ARHGAP8: variants seen among roughly 807,000 people sequenced by gnomAD.
ARHGAP8 encodes the protein rho GTPase-activating protein 8.
A neutral mutation model predicts 46.1 loss-of-function variants in ARHGAP8; 62 were observed. That is an observed-to-expected ratio of 1.34 (90% CI 1.10 to 1.66). The LOEUF (loss-of-function observed/expected upper bound fraction) is 1.66, where lower values mean the gene tolerates loss of function less well. ARHGAP8 is among the 40% of genes most tolerant of loss of function. The pLI, the probability that ARHGAP8 is intolerant of heterozygous loss-of-function variation, is 0.00. For missense variants in ARHGAP8, 923 were observed against 568.4 expected (o/e 1.62, Z -6.34); for synonymous variants, 375 against 243.1 (o/e 1.54, Z -5.05).
chr22:44,826,070 C>A (rs1930501652), intron 7 of ARHGAP8, among the ~76,000 whole-genome samples: 1 of 152,108 alleles, frequency 6.6e-6, no homozygotes, highest in Non-Finnish European at 1.5e-5. Flanking sequence ...TTCCCACCAC[C>A]TTCAAGGAGG....
At chr22:44,820,586 G>T (rs371604683) in intron 5 of ARHGAP8, among the ~76,000 whole-genome samples, 4 of 152,236 alleles carry the variant, frequency 2.6e-5, no homozygotes, top group African/African-American at 9.6e-5. Flanking sequence ...CTTCCCTCCG[G>T]GGGCTGGGGT....
chr22:44,818,806 C>T (rs973150426), intron 5 of ARHGAP8, among the ~76,000 whole-genome samples: 2 of 151,896 alleles, frequency 1.3e-5, no homozygotes, highest in African/African-American at 4.8e-5. Flanking sequence ...AAGTGGTCCT[C>T]CCACCTCAGC....
intron 10 of ARHGAP8, 171 bp downstream of exon 10, chr22:44,849,231 C>T (rs1264078802): frequency 8.1e-7 from 1 of 1,239,864 alleles, no homozygotes; most frequent in African/African-American, 1.5e-5. Context: ...CTGCCCCCAC[C>T]ATGCACAGCC....
chr22:44,822,457 C>G lies in ARHGAP8; in HGVS notation c.473C>G (p.Pro158Arg). 6.4e-7 allele frequency: 1 copy of G among 1,555,658 alleles called. No individual in the cohort carries two copies. The highest frequency in any genetic ancestry group is 2.4e-5 in the East Asian group (1 of 40,822). ...HLKYDQLVIP[P>R]EVLRYDEKLQ... Reference sequence around the variant, plus strand: ...AAATACGACCAGCTGGTCATCCCTCCCGAAGTTTTGCGGTAAGTGCCTGTT... The same window carrying G: ...AAATACGACCAGCTGGTCATCCCTCGCGAAGTTTTGCGGTAAGTGCCTGTT... Residue 158 changes from proline (P) to arginine (R), a missense_variant, in exon 6 of 12, where the codon CCC (proline) becomes CGC (arginine). Pro to Arg is a moderately radical substitution (Grantham distance 103). Transcript: ENST00000356099.
At position 44,860,903 on chromosome 22, in the gene ARHGAP8, C is replaced by T. The variant is rs558558437; in HGVS notation, c.981+1069C>T. The stretch of plus-strand genomic sequence containing the variant: ...CCTGAGCAGAGTAGGCGTCACATCC[C>T]AGAGTCTGTTGGAGAATGTCACTTC... On this transcript the variant is annotated intron_variant, in intron 11 of 11. Transcript: ENST00000356099. 9.2e-5 allele frequency among the ~76,000 whole-genome samples: 14 copies of T among 152,326 alleles called. No individual in the cohort carries two copies. In the East Asian group the frequency reaches 2.7e-3, roughly 29 times the overall value.
chr22:44,857,679 C>G (rs754368819), intron 10 of ARHGAP8, among the ~76,000 whole-genome samples: 2 of 152,088 alleles, frequency 1.3e-5, no homozygotes, highest in Non-Finnish European at 2.9e-5. Context: ...GGGAAGGCGC[C>G]TCTCATAGGA....
At chr22:44,800,163 A>G (rs1928393362) in intron 2 of ARHGAP8, among the ~76,000 whole-genome samples, 1 of 133,968 alleles carries the variant, frequency 7.5e-6, no homozygotes, top group Non-Finnish European at 1.6e-5. Flanking sequence ...GAGTGCAATG[A>G]TGCAATCTTG....
intron 7 of ARHGAP8, among the ~76,000 whole-genome samples, chr22:44,827,469 A>G (rs577795473): frequency 6.8e-6 from 1 of 146,740 alleles, no homozygotes; most frequent in Non-Finnish European, 1.5e-5. Context: ...CAGCCTCCCA[A>G]GTAGCTGGGA....
chr22:44,837,647 C>T (rs879172767), intron 7 of ARHGAP8, among the ~76,000 whole-genome samples: 4 of 152,166 alleles, frequency 2.6e-5, no homozygotes, highest in African/African-American at 9.7e-5. Flanking sequence ...CTATGCACAG[C>T]ACTGACTCTG....
chr22:44,771,203 T>C (rs896117287), intron 1 of ARHGAP8, among the ~76,000 whole-genome samples: 6 of 151,944 alleles, frequency 3.9e-5, no homozygotes, highest in African/African-American at 1.4e-4. Flanking sequence ...GTAGATTCCT[T>C]AGGATTTTTA....
chr22:44,776,425 C>T (rs1213545001), intron 1 of ARHGAP8, among the ~76,000 whole-genome samples: 1 of 150,106 alleles, frequency 6.7e-6, no homozygotes, highest in Admixed American at 6.7e-5. Flanking sequence ...GCACTCCAGC[C>T]TGGACAATAA....
At chr22:44,796,842 A>G (rs1928123485) in intron 2 of ARHGAP8, among the ~76,000 whole-genome samples, 1 of 152,188 alleles carries the variant, frequency 6.6e-6, no homozygotes, top group South Asian at 2.1e-4. Context: ...TCAAATGTGA[A>G]GGGATTGTAG....
intron 3 of ARHGAP8, among the ~76,000 whole-genome samples, chr22:44,802,453 G>A (rs1928625215): frequency 1.3e-5 from 2 of 152,186 alleles, no homozygotes; most frequent in Non-Finnish European, 2.9e-5. Flanking sequence ...CAGTCCCCTG[G>A]TCCTAGGTGT....
intron 1 of ARHGAP8, among the ~76,000 whole-genome samples, chr22:44,766,991 A>G (rs1314380064): frequency 6.6e-6 from 1 of 152,230 alleles, no homozygotes; most frequent in Admixed American, 6.5e-5. Flanking sequence ...CTTGGCTCCA[A>G]AACCAAAAAG....
At chr22:44,835,587 C>T (rs1442006576) in intron 7 of ARHGAP8, among the ~76,000 whole-genome samples, 3 of 152,192 alleles carry the variant, frequency 2.0e-5, no homozygotes, top group Non-Finnish European at 2.9e-5. Context: ...CGCCACTGCA[C>T]TCCAGCATGG....
At chr22:44,782,839 T>C (rs1926940719) in intron 1 of ARHGAP8, among the ~76,000 whole-genome samples, 1 of 152,172 alleles carries the variant, frequency 6.6e-6, no homozygotes, top group Non-Finnish European at 1.5e-5. Context: ...GTCTCCAGCT[T>C]TCCTGGGCTT....
At position 44,845,343 on chromosome 22, in the gene ARHGAP8, G is replaced by A. The variant is rs1428919417; in HGVS notation, c.670+1G>A. The A allele has an allele frequency of 1.2e-6, 2 of 1,614,082 alleles. No homozygotes were observed. The highest frequency in any genetic ancestry group is 1.7e-6 in the Non-Finnish European group (2 of 1,179,986). ...ACAGTGACGTACCTGAGAGAGAAAG[G>A]TGAGACGGGGCCGGCTCCAGCTGGA... On this transcript the variant is annotated splice_donor_variant, in intron 8 of 11. Transcript: ENST00000356099. LOFTEE classifies it high-confidence loss of function.
intron 10 of ARHGAP8, among the ~76,000 whole-genome samples, chr22:44,857,799 GCT>G (rs72348902): frequency 0.055 from 8,348 of 152,046 alleles, 582 homozygotes; most frequent in East Asian, 0.38. Context: ...ACCTCTCAGA[GCT>G]CTCTTTCCTC....
intron 1 of ARHGAP8, chr22:44,765,784 G>C (rs906954083): frequency 6.6e-6 from 1 of 152,398 alleles, no homozygotes. Context: ...TCGCCAGGCG[G>C]CCCTTCTTCC....
Sources: allele counts gnomAD v4.1 joint callset (sites outside exome capture counted in the v4.1 genomes callset), GRCh38; gene constraint gnomAD v4.1.1; transcripts MANE v1.5; gene names NCBI Gene and HGNC (gene_info 2026-07-23, HGNC 2026-07-21).